The following DAPK2 variants were observed in gnomAD, a reference collection of about 807,000 sequenced individuals.
The protein encoded by DAPK2 is death associated protein kinase 2.
A neutral mutation model predicts 44.1 loss-of-function variants in DAPK2; 35 were observed. The ratio of observed to expected loss-of-function variants is 0.79; its 90% confidence interval spans 0.61 to 1.05. The LOEUF (loss-of-function observed/expected upper bound fraction) is 1.05, where lower values mean the gene tolerates loss of function less well. Among genes scored for constraint, DAPK2 ranks in the 50% least tolerant of loss-of-function variants. The pLI is 0.00. For missense variants in DAPK2, 453 were observed against 483.2 expected, an observed-to-expected ratio of 0.94 and a Z score of 0.59; for synonymous variants, 174 against 182.6, an observed-to-expected ratio of 0.95 and a Z score of 0.38.
intron 1 of DAPK2, chr15:63,991,481 A>G (rs1056950651): frequency 2.7e-6 from 1 of 366,274 alleles, no homozygotes; most frequent in Non-Finnish European, 5.4e-6. Context: ...TTCCTTGACG[A>G]TGGCTTTGAA....
chr15:63,980,591 C>T lies in DAPK2; in HGVS notation c.314+2942G>A, dbSNP rs1315455825. On this transcript the variant is annotated intron_variant, in intron 2 of 10. Coordinates refer to ENST00000261891, the Ensembl canonical transcript of DAPK2. This position sits in a 1 kb window ranked among gnomAD's most constrained non-coding sequence, Gnocchi z 4.3. ...GGGGATGTTAGCTAAATCCTCAGGA[C>T]TTTGCTGAAAGAATTAATTAAAAAG... Among the ~76,000 whole-genome samples the T allele has an allele frequency of 6.6e-6, 1 of 152,144 alleles. No individual in the cohort carries two copies. The highest frequency in any genetic ancestry group is 2.4e-5 in the African/African-American group (1 of 41,434).
At chr15:63,934,249 GTTTTTT>G (rs772176640) in intron 4 of DAPK2, among the ~76,000 whole-genome samples, 1 of 63,286 alleles carries the variant, frequency 1.6e-5, no homozygotes. Flanking sequence ...TTTTATCCTA[GTTTTTT>G]TTTTTTTTTT....
chr15:64,022,240 A>G (rs1208551834), intron 1 of DAPK2, among the ~76,000 whole-genome samples: 1 of 152,230 alleles, frequency 6.6e-6, no homozygotes, highest in Non-Finnish European at 1.5e-5. Context: ...AGACAAAAGG[A>G]AATGTACAAC....
At chr15:63,950,126 T>G (rs1374687393) in intron 3 of DAPK2, among the ~76,000 whole-genome samples, 1 of 152,226 alleles carries the variant, frequency 6.6e-6, no homozygotes, top group Non-Finnish European at 1.5e-5. Context: ...GCTCCAGGCA[T>G]AAGTTCTACT....
Position 63,912,285 on chromosome 15 carries a change from GC to G in DAPK2, c.859-89del. On this transcript the variant is annotated intron_variant, in intron 8 of 10. Coordinates refer to ENST00000261891, the Ensembl canonical transcript of DAPK2. The surrounding 1 kb of genome is among the most constrained non-coding windows in gnomAD (Gnocchi z 4.4). Reference sequence around the variant, plus strand: ...CCGCAGAACTCCCCACCCACCGCATGCCCACCGCCCTTGGCTTGACCCTGGC... The same window carrying G: ...CCGCAGAACTCCCCACCCACCGCATGCCACCGCCCTTGGCTTGACCCTGGC... 1 of 1,341,890 alleles carries G rather than the reference GC, an allele frequency of 7.5e-7. No individual in the cohort carries two copies. Among genetic ancestry groups the G allele is most frequent in the Non-Finnish European group, 1.0e-6 (1 of 955,752 alleles). The allele number at this position is 1,341,890 out of a possible 1,614,324, so 83.1% of individuals were successfully genotyped here.
chr15:63,929,081 TC>T (rs2079419937), intron 6 of DAPK2, among the ~76,000 whole-genome samples: 1 of 151,940 alleles, frequency 6.6e-6, no homozygotes, highest in South Asian at 2.1e-4. Context: ...GTGCCTGTAA[TC>T]CCGGTTACTC....
intron 4 of DAPK2, among the ~76,000 whole-genome samples, chr15:63,935,109 G>A (rs1411750463): frequency 2.1e-5 from 2 of 93,242 alleles, no homozygotes; most frequent in African/African-American, 7.4e-5. Context: ...TTTTTTTCCT[G>A]ATACACGGTC....
chr15:63,933,801 G>A (rs114262108), intron 4 of DAPK2, among the ~76,000 whole-genome samples: 1,954 of 151,438 alleles, frequency 0.013, 41 homozygotes, highest in African/African-American at 0.045. Context: ...GTCTCACTGC[G>A]TTGCCCAGGC....
intron 8 of DAPK2, chr15:63,922,896 C>T (rs752552831): frequency 1.4e-5 from 22 of 1,535,942 alleles, no homozygotes; most frequent in South Asian, 5.9e-5. Context: ...TGCAGGTCTG[C>T]GGAGAGCTCC....
intron 3 of DAPK2, among the ~76,000 whole-genome samples, chr15:63,946,918 AG>A (rs1357292945): frequency 6.6e-6 from 1 of 152,186 alleles, no homozygotes; most frequent in Non-Finnish European, 1.5e-5. Flanking sequence ...GCTCCATGCT[AG>A]GCCTCTGTGG....
At position 63,916,408 on chromosome 15, in the gene DAPK2, C is replaced by T. The variant is rs2078928204; in HGVS notation, c.859-4211G>A. 1 of 152,626 alleles carries T rather than the reference C, an allele frequency of 6.6e-6. No homozygotes were observed. Among genetic ancestry groups the T allele is most frequent in the Admixed American group, 6.5e-5 (1 of 15,310 alleles). The allele number at this position is 152,626 out of a possible 1,614,324, so 9.5% of individuals were successfully genotyped here. A position where few individuals can be genotyped will look rare whatever the true frequency, so the allele number is the denominator to read the frequency against. ...CCCCCATCTGTGCCATCTCTCCAGCCCCTTACTCCAGTGAAAGCCAGGGCA... is the reference window on the plus strand; with the variant it reads ...CCCCCATCTGTGCCATCTCTCCAGCTCCTTACTCCAGTGAAAGCCAGGGCA... On this transcript the variant is annotated intron_variant, in intron 8 of 10. Transcript: ENST00000261891. The surrounding 1 kb of genome is among the most constrained non-coding windows in gnomAD (Gnocchi z 4.7).
At chr15:64,040,122 T>G in intron 1 of DAPK2, 48 bp downstream of exon 2, 1 of 1,465,588 alleles carries the variant, frequency 6.8e-7, no homozygotes, top group South Asian at 1.1e-5. Context: ...AGAAGAAGCA[T>G]GACTTTGGCT....
At chr15:63,986,013 G>A (rs75173721) in intron 1 of DAPK2, among the ~76,000 whole-genome samples, 2 of 152,166 alleles carry the variant, frequency 1.3e-5, no homozygotes, top group Non-Finnish European at 2.9e-5. Flanking sequence ...CTACGATGGC[G>A]CCAAATACCA....
In DAPK2 at chr15:63,923,123, A is replaced by G. The variant is rs2079130788; in HGVS notation, c.858+1693T>C. The G allele has an allele frequency of 1.3e-6, 2 of 1,535,894 alleles. No individual in the cohort carries two copies. The highest frequency in any genetic ancestry group is 1.7e-6 in the Non-Finnish European group (2 of 1,146,738). On this transcript the variant is annotated intron_variant, in intron 8 of 10. Coordinates refer to ENST00000261891, the Ensembl canonical transcript of DAPK2. This position sits in a 1 kb window ranked among gnomAD's most constrained non-coding sequence, Gnocchi z 4.2. The stretch of plus-strand genomic sequence containing the variant: ...ATTGAAGATGGAGACCAGGGCCTCC[A>G]CATCGTCCTGGATGGTATCGTGGGC...
At chr15:64,028,703 C>G (rs569755618) in intron 1 of DAPK2, among the ~76,000 whole-genome samples, 1 of 152,160 alleles carries the variant, frequency 6.6e-6, no homozygotes. Flanking sequence ...GGCATAATGT[C>G]TGCAACCTAT....
At chr15:63,979,729 A>G (rs1429891372) in intron 2 of DAPK2, among the ~76,000 whole-genome samples, 1 of 152,144 alleles carries the variant, frequency 6.6e-6, no homozygotes, top group Non-Finnish European at 1.5e-5. Context: ...TCTGGCCAAC[A>G]GAGTGAAACC....
chr15:64,012,020 T>C (rs2079401710), intron 1 of DAPK2, among the ~76,000 whole-genome samples: 1 of 152,192 alleles, frequency 6.6e-6, no homozygotes, highest in African/African-American at 2.4e-5. Context: ...TCTCTCTGTG[T>C]GTCAGTTCCT....
chr15:63,997,945 A>C (rs1426443674), intron 1 of DAPK2, among the ~76,000 whole-genome samples: 1 of 152,262 alleles, frequency 6.6e-6, no homozygotes, highest in Non-Finnish European at 1.5e-5. Context: ...ACTGATCCAC[A>C]CAAGTGCCCA....
chr15:64,041,139 C>T (rs906255696), upstream of DAPK2, among the ~76,000 whole-genome samples: 3 of 152,206 alleles, frequency 2.0e-5, no homozygotes, highest in Admixed American at 6.5e-5. Context: ...CACCCAACTG[C>T]GTGTCTGAAC....
Sources: allele counts gnomAD v4.1 joint callset (sites outside exome capture counted in the v4.1 genomes callset), GRCh38; gene constraint gnomAD v4.1.1; non-coding constraint Gnocchi (gnomAD v3.1); transcripts MANE v1.5; gene names NCBI Gene and HGNC (gene_info 2026-07-23, HGNC 2026-07-21).